Variants in ZNF283 observed in about 807,000 individuals in gnomAD.
ZNF283 encodes the protein zinc finger protein 41.
In ZNF283, 10 loss-of-function variants were observed where a neutral mutation model predicts 9.2. That is an observed-to-expected ratio of 1.09 (90% CI 0.67 to 1.85). ZNF283 has a LOEUF of 1.85. Ranked by LOEUF, ZNF283 falls within the 40% of genes most tolerant of loss-of-function variation. The pLI is 0.00. For synonymous variants in ZNF283, 234 were observed against 244.1 expected (o/e 0.96, Z 0.38); for missense variants, 631 against 760.1 (o/e 0.83, Z 2.00).
At chr19:43,831,973 G>T (rs1446804748) in intron 3 of ZNF283, among the ~76,000 whole-genome samples, 1 of 133,736 alleles carries the variant, frequency 7.5e-6, no homozygotes, top group African/African-American at 2.5e-5. Flanking sequence ...TGAGCCTATG[G>T]GTCTGTTTTT....
intron 6 of ZNF283, among the ~76,000 whole-genome samples, chr19:43,843,346 C>CA (rs1288430815): frequency 1.3e-5 from 2 of 152,142 alleles, no homozygotes; most frequent in Non-Finnish European, 2.9e-5. Context: ...TCCCCACCCC[C>CA]AAAAAAATTG....
In ZNF283 at chr19:43,850,525, C is replaced by A. The variant is rs1971579005; in HGVS notation, c.*1884C>A. On this transcript the variant is annotated 3_prime_UTR_variant, in exon 7 of 7. Transcript: ENST00000618787. ...TGTGATTTCGGCTCACTGCAACCTGCACCTCTCGGGTTCAAGTGATTCTCG... is the reference window on the plus strand; with the variant it reads ...TGTGATTTCGGCTCACTGCAACCTGAACCTCTCGGGTTCAAGTGATTCTCG... 6.6e-6 allele frequency: 1 copy of A among 151,934 alleles called. No individual in the cohort carries two copies. The highest frequency in any genetic ancestry group is 2.4e-5 in the African/African-American group (1 of 41,300). The allele number at this position is 151,934 out of a possible 1,614,324, so 9.4% of individuals were successfully genotyped here.
At chr19:43,830,895 T>C (rs1257308495) in intron 2 of ZNF283, among the ~76,000 whole-genome samples, 2 of 84,428 alleles carry the variant, frequency 2.4e-5, no homozygotes, top group Non-Finnish European at 2.1e-5. Context: ...AGAGCAAGAC[T>C]CCATCTAAAA....
chr19:43,837,402 C>T (rs756169858), intron 6 of ZNF283: 1 of 431,554 alleles, frequency 2.3e-6, no homozygotes, highest in Non-Finnish European at 4.1e-6. Context: ...TCCCTGCAAT[C>T]ACCTCTCTCC....
At chr19:43,837,236 G>A (rs1452667123) in intron 6 of ZNF283, 57 bp downstream of exon 6, 1 of 1,505,760 alleles carries the variant, frequency 6.6e-7, no homozygotes, top group Admixed American at 2.2e-5. Context: ...TCAGTTTTCT[G>A]CACTGGAAAT....
intron 6 of ZNF283, 121 bp from the exon 7 acceptor site, chr19:43,846,818 C>T: frequency 1.5e-6 from 1 of 688,752 alleles, no homozygotes; most frequent in Non-Finnish European, 2.2e-6. Context: ...CAAGGGAGTG[C>T]CTTAATGCCA....
chr19:43,830,962 A>G (rs1224672765), intron 2 of ZNF283, among the ~76,000 whole-genome samples: 1 of 151,600 alleles, frequency 6.6e-6, no homozygotes, highest in Non-Finnish European at 1.5e-5. Flanking sequence ...AGTCAAGTAA[A>G]TTGCAGTATG....
Position 43,850,257 on chromosome 19 carries a change from C to T in ZNF283, c.*1616C>T, listed in dbSNP as rs375824350. 1 of 152,112 alleles carries T rather than the reference C, an allele frequency of 6.6e-6. No individual in the cohort carries two copies. Among genetic ancestry groups the T allele is most frequent in the Non-Finnish European group, 1.5e-5 (1 of 68,026 alleles). 9.4% of individuals were successfully genotyped at this position (152,112 alleles called of 1,614,324 possible). A position where few individuals can be genotyped will look rare whatever the true frequency, so the allele number is the denominator to read the frequency against. On this transcript the variant is annotated 3_prime_UTR_variant, in exon 7 of 7. Transcript: ENST00000618787. ...AACACTTCATAGATGGTGATGTGTA[C>T]TTCATCTTGCAATACCTCAGAAGCA... is the stretch of plus-strand genomic sequence containing the variant.
chr19:43,835,420 G>A (rs1599716146), intron 4 of ZNF283, 85 bp from the exon 5 acceptor site: 2 of 855,024 alleles, frequency 2.3e-6, no homozygotes, highest in East Asian at 5.2e-5. Context: ...AAGCAGGCAT[G>A]GAGAAGATAA....
At chr19:43,832,168 A>G (rs1415308833) in intron 3 of ZNF283, among the ~76,000 whole-genome samples, 6 of 152,164 alleles carry the variant, frequency 3.9e-5, no homozygotes, top group African/African-American at 4.8e-5. Flanking sequence ...AATATTTACA[A>G]CTTCTGGGAT....
In ZNF283 at chr19:43,835,591, A is replaced by T; in HGVS notation, c.209A>T (p.Asp70Val). 1 of 1,597,162 alleles carries T rather than the reference A, an allele frequency of 6.3e-7. No homozygotes were observed. The highest frequency in any genetic ancestry group is 1.7e-5 in the Admixed American group (1 of 58,762). Residue 70 changes from aspartate to valine, a missense_variant and splice_region_variant, in exon 5 of 7, where the codon GAT (aspartate) becomes GTT (valine). Physicochemically the swap from Asp to Val is radical, Grantham distance 152. This residue lies in a region of ZNF283 where 184 missense variants were observed against 220.0 expected (regional missense o/e 0.84). Coordinates refer to ENST00000618787, the MANE Select transcript of ZNF283 (RefSeq NM_181845.2). ...TCTTGCAATTCCAGAACCATGACTG[A>T]TGTAAGTTGGTATTTTTCTCTCCAT... ...ISSCNSRTMT[D>V]GLVTFRDVAI... is the part of the protein sequence containing the mutation.
chr19:43,843,297 T>C (rs60036744), intron 6 of ZNF283, among the ~76,000 whole-genome samples: 61,487 of 151,978 alleles, frequency 0.4, 12,861 homozygotes, highest in South Asian at 0.55. Flanking sequence ...GCCAAGATCG[T>C]GCCACTGCAT....
chr19:43,851,799 C>G lies in ZNF283; in HGVS notation c.*3158C>G, dbSNP rs908290651. The G allele has an allele frequency of 6.6e-6, 1 of 152,214 alleles. No individual in the cohort carries two copies. Among genetic ancestry groups the G allele is most frequent in the Non-Finnish European group, 1.5e-5 (1 of 68,038 alleles). 9.4% of individuals were successfully genotyped at this position (152,214 alleles called of 1,614,324 possible). A position where few individuals can be genotyped will look rare whatever the true frequency, so the allele number is the denominator to read the frequency against. Reference sequence around the variant, plus strand: ...TTTGTTTAAACTGGTGTATGGCAAACTTCACTGTTGAAATACTTATTCCCA... The same window carrying G: ...TTTGTTTAAACTGGTGTATGGCAAAGTTCACTGTTGAAATACTTATTCCCA... On this transcript the variant is annotated 3_prime_UTR_variant, in exon 7 of 7. Transcript: ENST00000618787.
intron 2 of ZNF283, among the ~76,000 whole-genome samples, chr19:43,830,901 TAA>T (rs367850643): frequency 0.28 from 20,029 of 70,946 alleles, 1,933 homozygotes; most frequent in South Asian, 0.45. Flanking sequence ...AGACTCCATC[TAA>T]AAAAAAAAAA....
intron 6 of ZNF283, among the ~76,000 whole-genome samples, chr19:43,839,332 C>T (rs1039613721): frequency 1.5e-4 from 22 of 151,576 alleles, no homozygotes; most frequent in African/African-American, 5.1e-4. Flanking sequence ...GTTGCAGATT[C>T]TTGTATGTGG....
intron 1 of ZNF283, 30 bp from the exon 2 acceptor site, chr19:43,828,172 G>A (rs1438359701): frequency 7.2e-6 from 1 of 138,906 alleles, no homozygotes; most frequent in Non-Finnish European, 1.6e-5. Flanking sequence ...TAGAAATGCT[G>A]ATGTCTCATG....
chr19:43,845,127 T>C (rs1469556467), intron 6 of ZNF283, among the ~76,000 whole-genome samples: 1 of 152,192 alleles, frequency 6.6e-6, no homozygotes, highest in Non-Finnish European at 1.5e-5. Flanking sequence ...TACCTTTTAA[T>C]AACAAGTAAC....
rs1971622174 is a variant in ZNF283 at position 43,851,917 on chromosome 19, A to G, written c.*3276A>G. 6.6e-6 allele frequency: 1 copy of G among 152,208 alleles called. No homozygotes were observed. The highest frequency in any genetic ancestry group is 1.5e-5 in the Non-Finnish European group (1 of 68,040). 9.4% of individuals were successfully genotyped at this position (152,208 alleles called of 1,614,324 possible). A position where few individuals can be genotyped will look rare whatever the true frequency, so the allele number is the denominator to read the frequency against. Reference sequence around the variant, plus strand: ...CAGTCACCATGTCTGGTTGTTAGCTATGATGGAATGGCAGCATCATGGTCT... The same window carrying G: ...CAGTCACCATGTCTGGTTGTTAGCTGTGATGGAATGGCAGCATCATGGTCT... On this transcript the variant is annotated 3_prime_UTR_variant, in exon 7 of 7. Coordinates refer to ENST00000618787, the MANE Select transcript of ZNF283 (RefSeq NM_181845.2).
intron 2 of ZNF283, among the ~76,000 whole-genome samples, chr19:43,830,300 A>G (rs978643513): frequency 6.6e-6 from 1 of 151,726 alleles, no homozygotes; most frequent in Non-Finnish European, 1.5e-5. Flanking sequence ...CTGGTCTCTA[A>G]CTCCTGGACT....
Sources: allele counts gnomAD v4.1 joint callset (sites outside exome capture counted in the v4.1 genomes callset), GRCh38; gene constraint gnomAD v4.1.1; regional missense constraint gnomAD v4.1.1; transcripts MANE v1.5; gene names NCBI Gene and HGNC (gene_info 2026-07-23, HGNC 2026-07-21).